The following FLT4 variants were observed in gnomAD, a reference collection of about 807,000 sequenced individuals.
FLT4 encodes the protein vascular endothelial growth factor receptor 3.
FLT4 carries 30 observed loss-of-function variants against 163.2 expected under a neutral mutation model. That is an observed-to-expected ratio of 0.18 (90% CI 0.14 to 0.25). The LOEUF (loss-of-function observed/expected upper bound fraction) is 0.25. Among genes scored for constraint, FLT4 ranks in the 10% least tolerant of loss-of-function variants. The pLI, the probability that FLT4 is intolerant of heterozygous loss-of-function variation, is 1.00. For synonymous variants in FLT4, 884 were observed against 789.5 expected (o/e 1.12, Z -2.01); for missense variants, 1,510 against 1,863.8 (o/e 0.81, Z 3.50).
upstream of FLT4, chr5:180,649,690 C>A: frequency 4.1e-6 from 1 of 242,538 alleles, no homozygotes; most frequent in Non-Finnish European, 7.0e-6. Context: ...CCCGCGCCCC[C>A]CTCCCCCCGT....
At chr5:180,645,634 G>T (rs1441428340) in intron 1 of FLT4, among the ~76,000 whole-genome samples, 1 of 152,134 alleles carries the variant, frequency 6.6e-6, no homozygotes, top group African/African-American at 2.4e-5. Flanking sequence ...CGTGGGCTAG[G>T]GTGGTGCGGG....
chr5:180,645,257 T>C (rs1329733825), intron 1 of FLT4, among the ~76,000 whole-genome samples: 5 of 152,166 alleles, frequency 3.3e-5, no homozygotes. Flanking sequence ...GCGGGGAGCG[T>C]GGGCTGCCTG....
chr5:180,634,611 C>T (rs558986116), intron 1 of FLT4, among the ~76,000 whole-genome samples: 33 of 139,566 alleles, frequency 2.4e-4, no homozygotes, highest in Non-Finnish European at 3.6e-4. Context: ...GGGAGAATGG[C>T]GTGAAGCCGG....
At chr5:180,635,897 G>A (rs1764644069) in intron 1 of FLT4, among the ~76,000 whole-genome samples, 1 of 117,920 alleles carries the variant, frequency 8.5e-6, no homozygotes, top group South Asian at 3.2e-4. Flanking sequence ...GGGAGTATGG[G>A]TGGATGGGTG....
chr5:180,624,571 G>A (rs1320649517), intron 10 of FLT4, among the ~76,000 whole-genome samples: 2 of 152,018 alleles, frequency 1.3e-5, no homozygotes, highest in Non-Finnish European at 2.9e-5. Flanking sequence ...TCAGGACCCG[G>A]CAACCCATCC....
intron 7 of FLT4, 107 bp downstream of exon 7, chr5:180,629,152 C>T: frequency 6.7e-7 from 1 of 1,498,944 alleles, no homozygotes; most frequent in South Asian, 1.1e-5. Flanking sequence ...AGCTCCTCTG[C>T]TCGTGGCCCT....
intron 1 of FLT4, among the ~76,000 whole-genome samples, chr5:180,640,553 G>A (rs906936085): frequency 1.3e-5 from 2 of 152,244 alleles, no homozygotes; most frequent in African/African-American, 4.8e-5. Context: ...CCCCTCCTTG[G>A]GGCCTGGCCT....
intron 8 of FLT4, among the ~76,000 whole-genome samples, chr5:180,628,417 G>A (rs1038414931): frequency 6.6e-6 from 1 of 152,202 alleles, no homozygotes; most frequent in East Asian, 1.9e-4. Flanking sequence ...TCTCTCGCTC[G>A]CTGCCGTGCA....
intron 8 of FLT4, among the ~76,000 whole-genome samples, chr5:180,628,618 C>T (rs1763832420): frequency 6.6e-6 from 1 of 152,224 alleles, no homozygotes; most frequent in Non-Finnish European, 1.5e-5. Context: ...GGAAAAGCCC[C>T]TCGCTGTGCC....
At chr5:180,644,374 C>CT (rs754326506) in intron 1 of FLT4, among the ~76,000 whole-genome samples, 2 of 152,196 alleles carry the variant, frequency 1.3e-5, no homozygotes, top group Non-Finnish European at 2.9e-5. Flanking sequence ...CAACATGCTG[C>CT]TTTGTAAAGG....
chr5:180,605,039 C>T (rs902743578), intron 29 of FLT4, among the ~76,000 whole-genome samples: 5 of 152,246 alleles, frequency 3.3e-5, no homozygotes, highest in African/African-American at 4.8e-5. Flanking sequence ...TGGCTCACTG[C>T]ATCCTCGACC....
chr5:180,648,413 C>T (rs1294846333), intron 1 of FLT4, among the ~76,000 whole-genome samples: 1 of 152,178 alleles, frequency 6.6e-6, no homozygotes, highest in Non-Finnish European at 1.5e-5. Flanking sequence ...GTCTAAGCTT[C>T]TCCATGTGTA....
At chr5:180,621,335 A>G (rs2127815559) in intron 13 of FLT4, 83 bp from the exon 14 acceptor site, 3 of 1,507,626 alleles carry the variant, frequency 2.0e-6, no homozygotes, top group Middle Eastern at 1.8e-4. Context: ...GAGGTAGAAA[A>G]GGATCCCTGG....
chr5:180,649,002 A>G (rs1430327564), intron 1 of FLT4, among the ~76,000 whole-genome samples: 1 of 152,016 alleles, frequency 6.6e-6, no homozygotes, highest in Non-Finnish European at 1.5e-5. Context: ...GCCCGCCTCG[A>G]GCGCCCTCTG....
chr5:180,619,189 C>T, intron 19 of FLT4, 64 bp downstream of exon 19: 1 of 1,323,678 alleles, frequency 7.6e-7, no homozygotes, highest in Non-Finnish European at 9.7e-7. Context: ...CACCCGCGCC[C>T]CCTCCCGCCC....
intron 24 of FLT4, 153 bp from the exon 25 acceptor site, chr5:180,613,263 G>T: frequency 1.7e-6 from 1 of 589,266 alleles, no homozygotes. Flanking sequence ...ACCCGACTGT[G>T]CTCTACCTGG....
Position 180,603,321 on chromosome 5 carries a change from C to T in FLT4, c.3963G>A (p.Arg1321=), listed in dbSNP as rs530797555. ...GGCCTCCTCGGGCCCCCCGCTCAGG[C>T]CGCCGCCGCCTCCCTTGGGAGTCAG... ...AHPDSQGRRR[R]PERGARGGQV... is the part of the protein sequence containing the mutation. The change falls in exon 30 of 30, where the codon CGG becomes CGA. Residue 1321 remains arginine (R), a synonymous_variant. Transcript: ENST00000261937. 1.9e-6 allele frequency: 3 copies of T among 1,612,686 alleles called. No individual in the cohort carries two copies. Among genetic ancestry groups the T allele is most frequent in the East Asian group, 2.2e-5 (1 of 44,874 alleles).
chr5:180,639,383 A>G (rs1042131722), intron 1 of FLT4, among the ~76,000 whole-genome samples: 14 of 144,764 alleles, frequency 9.7e-5, no homozygotes, highest in Non-Finnish European at 1.7e-4. Context: ...GGATGGGTGG[A>G]TGGATGGATG....
rs888904393 is a variant in FLT4, at chr5:180,606,256, C to T, written c.3893+2712G>A. Among the ~76,000 whole-genome samples, 7 of 151,822 alleles carry T rather than the reference C, an allele frequency of 4.6e-5. No individual in the cohort carries two copies. The East Asian group carries it at 9.6e-4, about 21-fold the overall frequency. ...CATGTCTTCTGGAACTTTCTTCTTC[C>T]TCTACCACCAAGCATCCAAGGGGCT... On this transcript the variant is annotated intron_variant, in intron 29 of 29. Transcript: ENST00000261937.
Sources: gnomAD v4.1 joint callset for allele counts (sites outside exome capture counted in the v4.1 genomes callset) on GRCh38, gnomAD v4.1.1 for gene constraint, MANE v1.5 for transcripts, NCBI Gene and HGNC (gene_info 2026-07-23, HGNC 2026-07-21) for gene names.